The following GABRG2 variants were observed in gnomAD, a reference collection of about 807,000 sequenced individuals.
GABRG2 encodes gamma-aminobutyric acid receptor subunit gamma-2.
GABRG2 carries 16 observed loss-of-function variants against 56.4 expected under a neutral mutation model. The ratio of observed to expected loss-of-function variants is 0.28; its 90% confidence interval spans 0.19 to 0.43. GABRG2 has a LOEUF of 0.43. Ranked by LOEUF, GABRG2 falls within the 20% of genes least tolerant of loss-of-function variation. GABRG2 has a pLI of 1.00. For missense variants in GABRG2, 327 were observed against 582.7 expected, an observed-to-expected ratio of 0.56 and a Z score of 4.52; for synonymous variants, 208 against 205.5, an observed-to-expected ratio of 1.01 and a Z score of -0.10.
chr5:162,068,554 G>A (rs1254207932), intron 1 of GABRG2, among the ~76,000 whole-genome samples: 1 of 151,760 alleles, frequency 6.6e-6, no homozygotes, highest in Non-Finnish European at 1.5e-5. Flanking sequence ...GGCGGCGGGC[G>A]GCCCTGTTCC....
intron 6 of GABRG2, among the ~76,000 whole-genome samples, chr5:162,110,618 A>T (rs1289994220): frequency 6.6e-6 from 1 of 151,246 alleles, no homozygotes; most frequent in African/African-American, 2.4e-5. Flanking sequence ...TAAATTGAAG[A>T]GGTTGGAAGG....
rs536238501 is a variant in GABRG2 at position 162,114,316 on chromosome 5, A to G, written c.769+10290A>G. On this transcript the variant is annotated intron_variant, in intron 6 of 9. Coordinates refer to ENST00000639213, the MANE Select transcript of GABRG2 (RefSeq NM_198904.4). The stretch of plus-strand genomic sequence containing the variant: ...TACTGTTTTCATATTTTGGAAAGCA[A>G]TGTGTAGGTGTATCGCTATAAAAAT... Among the ~76,000 whole-genome samples the G allele has an allele frequency of 2.0e-5, 3 of 152,240 alleles. No homozygotes were observed. In the South Asian group the frequency reaches 6.2e-4, roughly 32 times the overall value.
chr5:162,108,875 C>T (rs1040638638), intron 6 of GABRG2, among the ~76,000 whole-genome samples: 2 of 152,126 alleles, frequency 1.3e-5, no homozygotes, highest in African/African-American at 4.8e-5. Flanking sequence ...CTATGTGCCA[C>T]ATTTTCTTAA....
chr5:162,089,078 A>G (rs891692451), intron 1 of GABRG2, among the ~76,000 whole-genome samples: 1 of 152,106 alleles, frequency 6.6e-6, no homozygotes, highest in Non-Finnish European at 1.5e-5. Flanking sequence ...TGAGTGGGCA[A>G]CAAATGTAGA....
intron 1 of GABRG2, among the ~76,000 whole-genome samples, chr5:162,082,247 G>A (rs1320992310): frequency 1.3e-5 from 2 of 151,730 alleles, no homozygotes; most frequent in African/African-American, 4.8e-5. Flanking sequence ...TGTTGCAGCC[G>A]TTTGTAAGAG....
Position 162,103,940 on chromosome 5 carries a change from A to G in GABRG2, c.683A>G (p.Glu228Gly). The change falls in exon 6 of 10, where the codon GAA becomes GGA. Residue 228 changes from glutamate to glycine, a missense_variant. Physicochemically the swap from Glu to Gly is moderately conservative, Grantham distance 98. Around this residue, in one of 4 missense-constraint regions of GABRG2, gnomAD observed 104 missense variants for 209.3 expected, o/e 0.50. Transcript: ENST00000639213. ...TATCAATGGAAGCGAAGTTCTGTTG[A>G]AGTGGGCGACACAAGATCCTGGAGG... The part of the protein sequence containing the change: ...IVYQWKRSSV[E>G]VGDTRSWRLY... 6.2e-7 allele frequency: 1 copy of G among 1,613,988 alleles called. No homozygotes were observed. Among genetic ancestry groups the G allele is most frequent in the Non-Finnish European group, 8.5e-7 (1 of 1,179,920 alleles).
At position 162,143,610 on chromosome 5, in the gene GABRG2, G is replaced by A. The variant is rs79866637; in HGVS notation, c.922+1294G>A. On this transcript the variant is annotated intron_variant, in intron 7 of 9. Transcript: ENST00000639213. ...ACATCCCTTGCTAACTGTCTAAAGA[G>A]TCAGTAGGGTGTAATAGCTAGGAAA... Among the ~76,000 whole-genome samples, 656 of 152,266 alleles carry A rather than the reference G, an allele frequency of 4.3e-3. 8 individuals are homozygous for A. Among genetic ancestry groups the A allele is most frequent in the African/African-American group, 0.015 (631 of 41,548 alleles).
At chr5:162,136,401 T>C (rs1265640508) in intron 6 of GABRG2, among the ~76,000 whole-genome samples, 1 of 152,108 alleles carries the variant, frequency 6.6e-6, no homozygotes, top group Non-Finnish European at 1.5e-5. Context: ...AATTTAATTT[T>C]TTAAAGTATG....
At chr5:162,078,391 ATATATATTTTTTTT>A (rs1192717332) in intron 1 of GABRG2, among the ~76,000 whole-genome samples, 5 of 34,448 alleles carry the variant, frequency 1.5e-4, no homozygotes, top group African/African-American at 5.2e-4. Flanking sequence ...ATATATATAT[ATATATATTTTTTTT>A]TTTTTTTTTT....
intron 6 of GABRG2, among the ~76,000 whole-genome samples, chr5:162,118,815 G>T (rs1222948906): frequency 1.3e-5 from 2 of 152,028 alleles, no homozygotes; most frequent in Admixed American, 6.6e-5. Flanking sequence ...GACACAAAAG[G>T]CAAAATTCTG....
At chr5:162,088,881 C>G (rs139503621) in intron 1 of GABRG2, among the ~76,000 whole-genome samples, 3 of 151,950 alleles carry the variant, frequency 2.0e-5, no homozygotes, top group African/African-American at 7.3e-5. Context: ...TAGAACATAG[C>G]GAATATTTTT....
At chr5:162,076,811 T>A (rs1170601135) in intron 1 of GABRG2, among the ~76,000 whole-genome samples, 1 of 152,050 alleles carries the variant, frequency 6.6e-6, no homozygotes, top group Non-Finnish European at 1.5e-5. Flanking sequence ...CATGACTAAC[T>A]TTTCATTTTT....
intron 6 of GABRG2, chr5:162,129,343 C>G (rs1763556443): frequency 6.6e-6 from 1 of 151,804 alleles, no homozygotes; most frequent in Admixed American, 6.6e-5. Context: ...GTTCAGAACA[C>G]AAGTCTTAAA....
chr5:162,121,919 A>G (rs1187316456), intron 6 of GABRG2, among the ~76,000 whole-genome samples: 1 of 152,044 alleles, frequency 6.6e-6, no homozygotes, highest in Non-Finnish European at 1.5e-5. Context: ...CTATATCTAT[A>G]AAATGTAGAA....
intron 1 of GABRG2, among the ~76,000 whole-genome samples, chr5:162,069,437 T>C (rs1447723082): frequency 6.6e-6 from 1 of 152,130 alleles, no homozygotes; most frequent in Non-Finnish European, 1.5e-5. Context: ...CAAAAGCAGC[T>C]GAAAAGGATG....
chr5:162,145,639 G>T (rs1438977851), intron 7 of GABRG2, among the ~76,000 whole-genome samples: 3 of 152,206 alleles, frequency 2.0e-5, no homozygotes, highest in African/African-American at 7.2e-5. Flanking sequence ...GAATGCCTAT[G>T]TAGCCTAAAT....
chr5:162,143,630 A>G (rs1764744697), intron 7 of GABRG2, among the ~76,000 whole-genome samples: 1 of 152,230 alleles, frequency 6.6e-6, no homozygotes, highest in South Asian at 2.1e-4. Flanking sequence ...TGTAATAGCT[A>G]GGAAATTGGG....
At chr5:162,143,393 T>G (rs993714199) in intron 7 of GABRG2, among the ~76,000 whole-genome samples, 4 of 152,220 alleles carry the variant, frequency 2.6e-5, no homozygotes, top group African/African-American at 9.6e-5. Flanking sequence ...TATTTGCAAT[T>G]TGCTCAATCT....
At chr5:162,067,742 T>A (rs908917388), upstream of GABRG2, 3 of 610,062 alleles carry the variant, frequency 4.9e-6, no homozygotes, top group Admixed American at 8.8e-5. Context: ...CCTGCCTCGA[T>A]GATATTACTC....
Sources: allele counts gnomAD v4.1 joint callset (sites outside exome capture counted in the v4.1 genomes callset), GRCh38; gene constraint gnomAD v4.1.1; regional missense constraint gnomAD v4.1.1; transcripts MANE v1.5; gene names NCBI Gene and HGNC (gene_info 2026-07-23, HGNC 2026-07-21).